Variants in HMMR observed in about 807,000 individuals in gnomAD.
HMMR encodes the protein hyaluronan mediated motility receptor.
In HMMR, 108 loss-of-function variants were observed where a neutral mutation model predicts 101.0. The ratio of observed to expected loss-of-function variants is 1.07; its 90% confidence interval spans 0.92 to 1.25. The LOEUF (loss-of-function observed/expected upper bound fraction) is 1.25. Ranked by LOEUF, HMMR falls within the 50% of genes most tolerant of loss-of-function variation. The pLI, the probability that HMMR is intolerant of heterozygous loss-of-function variation, is 0.00. For missense variants in HMMR, 813 were observed against 788.7 expected (o/e 1.03, Z -0.37); for synonymous variants, 296 against 276.4 (o/e 1.07, Z -0.70).
intron 16 of HMMR, among the ~76,000 whole-genome samples, chr5:163,486,974 G>A (rs1276049772): frequency 6.6e-6 from 1 of 152,196 alleles, no homozygotes; most frequent in African/African-American, 2.4e-5. Flanking sequence ...AGCTACTTGG[G>A]TAGGAGAATG....
intron 16 of HMMR, among the ~76,000 whole-genome samples, chr5:163,486,027 C>T (rs1759466041): frequency 6.6e-6 from 1 of 152,210 alleles, no homozygotes; most frequent in South Asian, 2.1e-4. Context: ...CCTTGTGCCA[C>T]CACACTGTCT....
rs372274991 is a variant in HMMR at position 163,473,156 on chromosome 5, A to G, written c.651-23A>G. Reference sequence around the variant, plus strand: ...TTAAATAACGAAACTAGAATGTATTAACATATGCAATTTTTGTTTTAGTGT... The same window carrying G: ...TTAAATAACGAAACTAGAATGTATTGACATATGCAATTTTTGTTTTAGTGT... On this transcript the variant is annotated intron_variant, in intron 7 of 17. Coordinates refer to ENST00000393915, the MANE Select transcript of HMMR (RefSeq NM_001142556.2). 9.6e-5 allele frequency: 115 copies of G among 1,199,550 alleles called. 3 individuals carry two copies. Among genetic ancestry groups the G allele is most frequent in the South Asian group, 4.6e-4 (37 of 79,898 alleles). 74.3% of individuals were successfully genotyped at this position (1,199,550 alleles called of 1,614,324 possible). A position where few individuals can be genotyped will look rare whatever the true frequency, so the allele number is the denominator to read the frequency against.
chr5:163,467,646 C>A, intron 3 of HMMR, 55 bp from the exon 4 acceptor site: 1 of 947,028 alleles, frequency 1.1e-6, no homozygotes, highest in Non-Finnish European at 1.7e-6. Flanking sequence ...ACAAATTTGG[C>A]TGTCATATCT....
intron 13 of HMMR, 64 bp from the exon 14 acceptor site, chr5:163,482,956 A>T (rs1759325338): frequency 6.8e-7 from 1 of 1,471,580 alleles, no homozygotes; most frequent in African/African-American, 1.4e-5. Context: ...TAAAGAAAAA[A>T]AAAGGAAAAA....
Position 163,484,060 on chromosome 5 carries a change from CT to C in HMMR, c.1786-4del, listed in dbSNP as rs768765400. ...TAAGTCTTAACTTTATTTAAAAAAT[CT>C]TTTTCAGCTACAACTAGATGCTTTT... is the stretch of plus-strand genomic sequence containing the variant. On this transcript the variant is annotated splice_region_variant and splice_polypyrimidine_tract_variant and intron_variant, in intron 15 of 17. Coordinates refer to ENST00000393915, the MANE Select transcript of HMMR (RefSeq NM_001142556.2). 2 of 1,544,972 alleles carry C rather than the reference CT, an allele frequency of 1.3e-6. No homozygotes were observed. Among genetic ancestry groups the C allele is most frequent in the African/African-American group, 1.4e-5 (1 of 71,898 alleles).
intron 5 of HMMR, among the ~76,000 whole-genome samples, chr5:163,470,429 C>A (rs537780676): frequency 9.2e-5 from 14 of 152,266 alleles, no homozygotes; most frequent in Middle Eastern, 3.4e-3. Context: ...TGAGACTAGC[C>A]TAGCCTAACA....
In HMMR at chr5:163,475,799, AATT is replaced by A. The variant is rs1221838339; in HGVS notation, c.1268+132_1268+134del. On this transcript the variant is annotated intron_variant, in intron 11 of 17. Transcript: ENST00000393915. ...TGGAATTATTTTATAATTAAGTAGTAATTATTAATTATTTTACAATTAAGTAGT... is the reference window on the plus strand; with the variant it reads ...TGGAATTATTTTATAATTAAGTAGTAATTAATTATTTTACAATTAAGTAGT... 37 of 443,522 alleles carry A rather than the reference AATT, an allele frequency of 8.3e-5. No individual in the cohort carries two copies. In the Admixed American group the frequency reaches 9.6e-4, roughly 12 times the overall value. 27.5% of individuals were successfully genotyped at this position (443,522 alleles called of 1,614,324 possible).
At chr5:163,469,370 C>CA (rs11325489) in intron 4 of HMMR, among the ~76,000 whole-genome samples, 6 of 108,210 alleles carry the variant, frequency 5.5e-5, no homozygotes, top group African/African-American at 1.0e-4. Flanking sequence ...GACTCCATCT[C>CA]AAAAAAAAAA....
chr5:163,485,163 TG>T (rs1390833634), intron 16 of HMMR, among the ~76,000 whole-genome samples: 2 of 152,202 alleles, frequency 1.3e-5, no homozygotes, highest in African/African-American at 2.4e-5. Context: ...CCAGATCATT[TG>T]ATAACTCTAC....
intron 12 of HMMR, 34 bp from the exon 13 acceptor site, chr5:163,482,607 GA>G: frequency 1.3e-6 from 2 of 1,508,252 alleles, no homozygotes; most frequent in South Asian, 1.2e-5. Context: ...GCAATAGTTA[GA>G]AAACTACTTT....
At chr5:163,485,111 TG>T in intron 16 of HMMR, among the ~76,000 whole-genome samples, 2 of 152,296 alleles carry the variant, frequency 1.3e-5, no homozygotes, top group East Asian at 3.9e-4. Flanking sequence ...TGTTTTTTCC[TG>T]GGACATATTA....
intron 10 of HMMR, chr5:163,474,699 G>A: frequency 2.5e-6 from 1 of 394,026 alleles, no homozygotes; most frequent in Non-Finnish European, 5.0e-6. Context: ...CAAGGAAGTA[G>A]AAATAATATT....
rs1028701667 is a variant in HMMR at position 163,482,544 on chromosome 5, A to G, written c.1386-98A>G. The G allele has an allele frequency of 4.7e-6, 4 of 858,106 alleles. No homozygotes were observed. In the East Asian group the frequency reaches 7.6e-5, roughly 16 times the overall value. The allele number at this position is 858,106 out of a possible 1,614,324, so 53.2% of individuals were successfully genotyped here. A position where few individuals can be genotyped will look rare whatever the true frequency, so the allele number is the denominator to read the frequency against. On this transcript the variant is annotated intron_variant, in intron 12 of 17. Coordinates refer to ENST00000393915, the MANE Select transcript of HMMR (RefSeq NM_001142556.2). ...TGCATGAATACATTAAAAACTTTTT[A>G]GTTTTACTTAGAAGTATATAAAGTG...
At position 163,475,631 on chromosome 5, in the gene HMMR, T is replaced by G; in HGVS notation, c.1227T>G (p.Ser409=). Residue 409 remains serine (S), a synonymous_variant, in exon 11 of 18, where the codon TCT becomes TCG. Coordinates refer to ENST00000393915, the MANE Select transcript of HMMR (RefSeq NM_001142556.2). ...AGCAATTGGAAGAGGAAGCAAAATC[T>G]AGAGCTGAAGAATTAAAACTCCTAG... ...LVKQLEEEAK[S]RAEELKLLEE... 6.2e-7 allele frequency: 1 copy of G among 1,611,968 alleles called. No homozygotes were observed. Among genetic ancestry groups the G allele is most frequent in the South Asian group, 1.1e-5 (1 of 90,936 alleles).
In HMMR at chr5:163,490,467, T is replaced by C. The variant is rs750901545; in HGVS notation, c.2040T>C (p.Val680=). 2 of 1,602,662 alleles carry C rather than the reference T, an allele frequency of 1.2e-6. No individual in the cohort carries two copies. Among genetic ancestry groups the C allele is most frequent in the South Asian group, 2.3e-5 (2 of 88,306 alleles). Residue 680 remains valine, a synonymous_variant, in exon 17 of 18, where the codon GTT becomes GTC. Coordinates refer to ENST00000393915, the MANE Select transcript of HMMR (RefSeq NM_001142556.2). ...AACTTCAAGAGGAATTGAATAAAGTTCTAGGTATCAAACACTTTGATCCTT... is the reference window on the plus strand; with the variant it reads ...AACTTCAAGAGGAATTGAATAAAGTCCTAGGTATCAAACACTTTGATCCTT... ...ETKLQEELNK[V]LGIKHFDPSK...
intron 7 of HMMR, 100 bp downstream of exon 7, chr5:163,471,563 G>A (rs777697567): frequency 7.0e-6 from 5 of 718,198 alleles, no homozygotes; most frequent in Admixed American, 5.3e-5. Flanking sequence ...CCTTCTGTTA[G>A]TACTTATCTC....
intron 3 of HMMR, among the ~76,000 whole-genome samples, chr5:163,466,534 T>A (rs1758713756): frequency 6.6e-6 from 1 of 152,174 alleles, no homozygotes; most frequent in African/African-American, 2.4e-5. Context: ...CTCGATTTTG[T>A]TAGTGGAACG....
intron 12 of HMMR, among the ~76,000 whole-genome samples, chr5:163,482,306 C>T (rs1759296781): frequency 1.3e-5 from 2 of 152,190 alleles, no homozygotes; most frequent in Non-Finnish European, 2.9e-5. Context: ...AGCTTCTGCT[C>T]CAGCCTTTCT....
chr5:163,469,897 G>A, intron 5 of HMMR, 68 bp downstream of exon 5: 1 of 1,103,542 alleles, frequency 9.1e-7, no homozygotes, highest in Non-Finnish European at 1.3e-6. Context: ...GCCGGGCACG[G>A]TGGCTCACGC....
Sources: gnomAD v4.1 joint callset for allele counts (sites outside exome capture counted in the v4.1 genomes callset) on GRCh38, gnomAD v4.1.1 for gene constraint, MANE v1.5 for transcripts, NCBI Gene and HGNC (gene_info 2026-07-23, HGNC 2026-07-21) for gene names.